The following PIAS4 variants were observed in gnomAD, a reference collection of about 807,000 sequenced individuals.
PIAS4 encodes protein inhibitor of activated STAT 4, also known as E3 SUMO-protein ligase PIAS4.
In PIAS4, 7 loss-of-function variants were observed where a neutral mutation model predicts 58.0. The ratio of observed to expected loss-of-function variants is 0.12; its 90% CI spans 0.07 to 0.23. The LOEUF is 0.23. Among genes scored for constraint, PIAS4 ranks in the 10% least tolerant of loss-of-function variants. The probability of loss-of-function intolerance (pLI) is 1.00; values close to 1 mark genes in which losing one functional copy is unlikely to be tolerated. For missense variants in PIAS4, 550 were observed against 709.5 expected (o/e 0.78, Z 2.55); for synonymous variants, 364 against 312.4 (o/e 1.17, Z -1.74).
chr19:4,011,137 A>G (rs893333076), intron 1 of PIAS4, among the ~76,000 whole-genome samples: 2 of 152,218 alleles, frequency 1.3e-5, no homozygotes, highest in African/African-American at 4.8e-5. Context: ...CCCCACTGGG[A>G]CTGCCTCTGG....
chr19:4,036,784 ACAC>A (rs946926567), intron 9 of PIAS4, among the ~76,000 whole-genome samples: 27 of 149,106 alleles, frequency 1.8e-4, no homozygotes, highest in South Asian at 1.7e-3. Context: ...ACACACACAC[ACAC>A]ATCTATACAG....
At chr19:4,028,654 A>G in intron 5 of PIAS4, 54 bp downstream of exon 5, 1 of 1,604,736 alleles carries the variant, frequency 6.2e-7, no homozygotes, top group Non-Finnish European at 8.5e-7. Context: ...GCGTGGAGGG[A>G]GGGTGGGGGC....
intron 2 of PIAS4, among the ~76,000 whole-genome samples, chr19:4,023,481 A>AAAAC (rs747684648): frequency 6.6e-6 from 1 of 152,214 alleles, no homozygotes; most frequent in African/African-American, 2.4e-5. Context: ...AAAACAAAAC[A>AAAAC]AAACAAACAA....
rs1163268510 is a variant in PIAS4, at chr19:4,013,923, G to T, written c.454+574G>T. 6.6e-6 allele frequency among the ~76,000 whole-genome samples: 1 copy of T among 152,034 alleles called. No homozygotes were observed. The highest frequency in any genetic ancestry group is 1.5e-5 in the Non-Finnish European group (1 of 67,988). On this transcript the variant is annotated intron_variant, in intron 2 of 10. Transcript: ENST00000262971. This position sits in a 1 kb window ranked among gnomAD's most constrained non-coding sequence, Gnocchi z 5.1. ...CCTCGCCATCTCCCCCACAGAGTCC[G>T]TTGCTCACACAGACTCTGTGGCGCA...
chr19:4,025,410 A>G (rs2040152939), intron 3 of PIAS4, among the ~76,000 whole-genome samples: 1 of 152,162 alleles, frequency 6.6e-6, no homozygotes, highest in Non-Finnish European at 1.5e-5. Context: ...TGGGCAGGCT[A>G]ATGGTAGGTG....
chr19:4,013,069 C>G lies in PIAS4; in HGVS notation c.174C>G (p.Ile58Met). 1 of 1,613,522 alleles carries G rather than the reference C, an allele frequency of 6.2e-7. No individual in the cohort carries two copies. Among genetic ancestry groups the G allele is most frequent in the Non-Finnish European group, 8.5e-7 (1 of 1,180,000 alleles). The change falls in exon 2 of 11, where the codon ATC (isoleucine) becomes ATG (methionine). Residue 58 changes from isoleucine to methionine, a missense_variant. By Grantham distance (10) the Ile-to-Met change is conservative (BLOSUM62 1). This residue lies in a region of PIAS4 where 42 missense variants were observed against 84.3 expected (regional missense o/e 0.50). Transcript: ENST00000262971. The surrounding 1 kb of genome is among the most constrained non-coding windows in gnomAD (Gnocchi z 5.1). ...FDCSPELFKKIKELYETRYAK... is the reference protein window; with the variant it reads ...FDCSPELFKKMKELYETRYAK... Reference sequence around the variant, plus strand: ...GTAGCCCTGAGCTGTTCAAGAAGATCAAGGAGCTGTACGAGACCCGCTACG... The same window carrying G: ...GTAGCCCTGAGCTGTTCAAGAAGATGAAGGAGCTGTACGAGACCCGCTACG...
intron 5 of PIAS4, 58 bp downstream of exon 5, chr19:4,028,658 T>TG: frequency 6.2e-7 from 1 of 1,603,280 alleles, no homozygotes; most frequent in Non-Finnish European, 8.5e-7. Context: ...GGAGGGAGGG[T>TG]GGGGGCCGTC....
chr19:4,025,112 C>G (rs1428978805), intron 3 of PIAS4, among the ~76,000 whole-genome samples: 1 of 152,222 alleles, frequency 6.6e-6, no homozygotes, highest in Non-Finnish European at 1.5e-5. Context: ...GTTTCCCCCT[C>G]CATACCGTGG....
At chr19:4,007,917 C>A in intron 1 of PIAS4, 130 bp downstream of exon 1, 1 of 607,788 alleles carries the variant, frequency 1.6e-6, no homozygotes, top group Non-Finnish European at 2.3e-6. Context: ...CGTCCCGGCC[C>A]CCAGACCCCG....
In PIAS4 at chr19:4,036,077, A is replaced by G. The variant is rs2040278760; in HGVS notation, c.1143-1297A>G. 1.4e-5 allele frequency among the ~76,000 whole-genome samples: 2 copies of G among 144,132 alleles called. 1 individual carries two copies. The allele number at this position is 144,132 out of a possible 152,430, so 94.6% of individuals were successfully genotyped here. A position where few individuals can be genotyped will look rare whatever the true frequency, so the allele number is the denominator to read the frequency against. On this transcript the variant is annotated intron_variant, in intron 9 of 10. Coordinates refer to ENST00000262971, the MANE Select transcript of PIAS4 (RefSeq NM_015897.4). Reference sequence around the variant, plus strand: ...ATCTATACAGTCCACACTGTCACACATCCGTACAGTCCACACCGTCATACA... The same window carrying G: ...ATCTATACAGTCCACACTGTCACACGTCCGTACAGTCCACACCGTCATACA...
At chr19:4,017,059 A>G (rs1346658315) in intron 2 of PIAS4, among the ~76,000 whole-genome samples, 2 of 152,270 alleles carry the variant, frequency 1.3e-5, no homozygotes, top group East Asian at 1.9e-4. Context: ...CCGTCTGCAC[A>G]CTGGGGGCCT....
intron 2 of PIAS4, among the ~76,000 whole-genome samples, chr19:4,023,454 C>T (rs1311796531): frequency 1.3e-5 from 2 of 152,072 alleles, no homozygotes; most frequent in African/African-American, 2.4e-5. Flanking sequence ...GGTAAAACTC[C>T]ATCTCCAAAA....
In PIAS4 at chr19:4,037,779, G is replaced by A. The variant is rs1323834550; in HGVS notation, c.1437G>A (p.Glu479=). The A allele has an allele frequency of 5.1e-6, 8 of 1,581,348 alleles. No individual in the cohort carries two copies. The highest frequency in any genetic ancestry group is 1.8e-5 in the Admixed American group (1 of 55,968). Residue 479 remains glutamate, a synonymous_variant, in exon 11 of 11, where the codon GAG becomes GAA. Coordinates refer to ENST00000262971, the MANE Select transcript of PIAS4 (RefSeq NM_015897.4). The surrounding 1 kb of genome is among the most constrained non-coding windows in gnomAD (Gnocchi z 5.8). ...ACAGCTCATCGTCCTCGGAGGATGA[G>A]GAGGAGGAGGAAGAGGAGGAGGAAG... ...TLDSSSSSED[E]EEEEEEEEDE...
intron 1 of PIAS4, among the ~76,000 whole-genome samples, chr19:4,010,538 T>C (rs2039982727): frequency 6.6e-6 from 1 of 152,226 alleles, no homozygotes; most frequent in Admixed American, 6.5e-5. Flanking sequence ...ATTTTTGTTT[T>C]CAAAGCATCC....
At chr19:4,035,926 G>A (rs1273670327) in intron 9 of PIAS4, among the ~76,000 whole-genome samples, 17 of 1,270 alleles carry the variant, frequency 0.013, no homozygotes, top group Admixed American at 0.037. Flanking sequence ...ACACACACCT[G>A]CACACATCCA....
At chr19:4,024,324 C>T (rs2040141137) in intron 3 of PIAS4, among the ~76,000 whole-genome samples, 1 of 152,238 alleles carries the variant, frequency 6.6e-6, no homozygotes, top group Non-Finnish European at 1.5e-5. Flanking sequence ...TGCCCACTGC[C>T]TGTGCCCTGC....
rs1368305341 is a variant in PIAS4 at position 4,018,194 on chromosome 19, C to G, written c.454+4845C>G. On this transcript the variant is annotated intron_variant, in intron 2 of 10. Transcript: ENST00000262971. ...TGCGCTTGTCCTAGAAAACTGGAGT[C>G]AACAGCAGAGCAGTCCGGCCGGCGC... 2.6e-5 allele frequency among the ~76,000 whole-genome samples: 4 copies of G among 152,244 alleles called. No homozygotes were observed. In the East Asian group the frequency reaches 7.7e-4, roughly 29 times the overall value.
rs1219553427 is a variant in PIAS4, at chr19:4,033,441, G to C, written c.1003G>C (p.Val335Leu). 3.8e-6 allele frequency: 6 copies of C among 1,559,070 alleles called. No individual in the cohort carries two copies. In the South Asian group the frequency reaches 7.1e-5, roughly 18 times the overall value. Residue 335 changes from valine to leucine, a missense_variant, in exon 9 of 11, where the codon GTG becomes CTG. Transcript: ENST00000262971. ...ICPLVKMRLS[V>L]PCRAETCAHL... ...ACAGCTGGTGAAGATGCGGCTCTCC[G>C]TGCCCTGCCGGGCAGAGACCTGTGC...
intron 3 of PIAS4, among the ~76,000 whole-genome samples, chr19:4,026,381 A>C (rs6510779): frequency 1 from 150,622 of 150,744 alleles, 75,251 homozygotes; most frequent in Middle Eastern, 1. Context: ...TCCACCCCAC[A>C]TCTGCCTCCC....
Sources: allele counts gnomAD v4.1 joint callset (sites outside exome capture counted in the v4.1 genomes callset), GRCh38; gene constraint gnomAD v4.1.1; regional missense constraint gnomAD v4.1.1; non-coding constraint Gnocchi (gnomAD v3.1); transcripts MANE v1.5; gene names NCBI Gene and HGNC (gene_info 2026-07-23, HGNC 2026-07-21).